The following DNAAF8 variants were observed in gnomAD, a reference collection of about 807,000 sequenced individuals.
The protein encoded by DNAAF8 is dynein axonemal assembly factor 8.
In DNAAF8, 61 loss-of-function variants were observed where a neutral mutation model predicts 54.6. The ratio of observed to expected loss-of-function variants is 1.12; its 90% confidence interval spans 0.91 to 1.38. DNAAF8 has a LOEUF of 1.38. DNAAF8 is among the 40% of genes most tolerant of loss of function. The pLI is 0.00. For missense variants in DNAAF8, 837 were observed against 665.0 expected (o/e 1.26, Z -2.85); for synonymous variants, 320 against 270.1 (o/e 1.18, Z -1.81).
intron 1 of DNAAF8, 126 bp downstream of exon 1, chr16:4,734,824 C>T (rs1161819671): frequency 6.6e-6 from 1 of 152,104 alleles, no homozygotes; most frequent in Non-Finnish European, 1.5e-5. Flanking sequence ...TTTAAAAGCT[C>T]GACCCGGGAG....
chr16:4,736,749 C>A, intron 2 of DNAAF8, 106 bp downstream of exon 2: 1 of 1,219,200 alleles, frequency 8.2e-7, no homozygotes, highest in Non-Finnish European at 1.1e-6. Context: ...TTCCTGCTGA[C>A]CTGTGCAGTT....
intron 1 of DNAAF8, among the ~76,000 whole-genome samples, chr16:4,735,688 T>C (rs1397793472): frequency 2.0e-5 from 3 of 151,040 alleles, no homozygotes; most frequent in African/African-American, 4.9e-5. Flanking sequence ...CCAGGCGCGA[T>C]GGCACATGCC....
chr16:4,736,496 T>C lies in DNAAF8; in HGVS notation c.-19T>C. 6.5e-7 allele frequency: 1 copy of C among 1,528,606 alleles called. No individual in the cohort carries two copies. Among genetic ancestry groups the C allele is most frequent in the Non-Finnish European group, 8.9e-7 (1 of 1,128,460 alleles). 94.7% of individuals were successfully genotyped at this position (1,528,606 alleles called of 1,614,324 possible). A position where few individuals can be genotyped will look rare whatever the true frequency, so the allele number is the denominator to read the frequency against. ...CGGATTATGGTGCACTGAGAAGGCA[T>C]CTGGAAGCCTGGGCCCTCATGGCAT... is the stretch of plus-strand genomic sequence containing the variant. On this transcript the variant is annotated 5_prime_UTR_variant, in exon 2 of 10. Transcript: ENST00000299320.
At chr16:4,742,204 T>A (rs1023936286) in intron 4 of DNAAF8, among the ~76,000 whole-genome samples, 14 of 152,110 alleles carry the variant, frequency 9.2e-5, no homozygotes, top group African/African-American at 2.9e-4. Flanking sequence ...AAGAACAAAA[T>A]TTTTTAACCT....
chr16:4,737,753 C>G (rs761358520), intron 2 of DNAAF8, 47 bp from the exon 3 acceptor site: 71 of 1,605,766 alleles, frequency 4.4e-5, no homozygotes, highest in Non-Finnish European at 5.2e-5. Context: ...GCCCTCAGGG[C>G]TCTGCCTGCT....
intron 5 of DNAAF8, among the ~76,000 whole-genome samples, chr16:4,744,018 C>T (rs2081981886): frequency 6.6e-6 from 1 of 151,410 alleles, no homozygotes; most frequent in Admixed American, 6.6e-5. Flanking sequence ...CAACCTCCAC[C>T]TCCCGGGTTC....
Position 4,746,360 on chromosome 16 carries a change from C to T in DNAAF8, c.1044-15C>T. On this transcript the variant is annotated splice_polypyrimidine_tract_variant and intron_variant, in intron 6 of 9. Coordinates refer to ENST00000299320, the MANE Select transcript of DNAAF8 (RefSeq NM_139170.3). ...CAGAGAACTGACTCCACAACACCTG[C>T]TTTTCTCATTTCAGATGTGCCTCAA... 6.2e-7 allele frequency: 1 copy of T among 1,607,160 alleles called. No homozygotes were observed. The highest frequency in any genetic ancestry group is 2.2e-5 in the East Asian group (1 of 44,822).
Position 4,747,531 on chromosome 16 carries a change from C to A in DNAAF8, c.1469C>A (p.Ala490Asp), listed in dbSNP as rs976083630. 1 of 1,613,094 alleles carries A rather than the reference C, an allele frequency of 6.2e-7. No individual in the cohort carries two copies. The highest frequency in any genetic ancestry group is 1.7e-5 in the Admixed American group (1 of 59,996). Residue 490 changes from alanine to aspartate, a missense_variant, in exon 9 of 10, where the codon GCT (alanine) becomes GAT (aspartate). Transcript: ENST00000299320. The part of the protein sequence containing the change: ...KLCAKGQSAQ[A>D]RLPRGRPRAL... ...TGTGCCAAGGGGCAGAGCGCCCAGG[C>A]TCGACTCCCAAGAGGCAGGCCCAGA...
chr16:4,741,508 C>A (rs1185837478), intron 4 of DNAAF8, among the ~76,000 whole-genome samples: 1 of 152,004 alleles, frequency 6.6e-6, no homozygotes, highest in African/African-American at 2.4e-5. Context: ...TCATAAGAAA[C>A]TGGGATTTTG....
Position 4,736,449 on chromosome 16 carries a change from C to CTG in DNAAF8, c.-51-11_-51-10dup. 2 of 1,403,236 alleles carry CTG rather than the reference C, an allele frequency of 1.4e-6. No homozygotes were observed. The allele number at this position is 1,403,236 out of a possible 1,614,324, so 86.9% of individuals were successfully genotyped here. ...GTGGCCCGGACCCTCTTCCATCACCCTGTGTACCCCACAGAGCTCCCCGGA... is the reference window on the plus strand; with the variant it reads ...GTGGCCCGGACCCTCTTCCATCACCCTGTGTGTACCCCACAGAGCTCCCCGGA... On this transcript the variant is annotated splice_polypyrimidine_tract_variant and intron_variant, in intron 1 of 9. Transcript: ENST00000299320.
rs371625606 is a variant in DNAAF8 at position 4,737,847 on chromosome 16, C to G, written c.177C>G (p.Thr59=). ...EELFIFQRNQ[T]SLIPDLSEEL... is the part of the protein sequence containing the mutation. ...TGTTCATCTTCCAGCGAAACCAAAC[C>G]TCCCTGATTCCAGACCTGTCGGAGG... Residue 59 remains threonine (T), a synonymous_variant, in exon 3 of 10, where the codon ACC becomes ACG. Coordinates refer to ENST00000299320, the MANE Select transcript of DNAAF8 (RefSeq NM_139170.3). 1.2e-6 allele frequency: 2 copies of G among 1,614,048 alleles called. No individual in the cohort carries two copies. The highest frequency in any genetic ancestry group is 1.7e-6 in the Non-Finnish European group (2 of 1,179,972).
rs371755275 is a variant in DNAAF8 at position 4,747,034 on chromosome 16, C to T, written c.1280+9C>T. ...TCCTCCCTGGGGCTACGGTAACCAC[C>T]CAGGGGCCTCTCGCCACCTGCAGAT... On this transcript the variant is annotated intron_variant, in intron 8 of 9. Coordinates refer to ENST00000299320, the MANE Select transcript of DNAAF8 (RefSeq NM_139170.3). 1.3e-3 allele frequency: 2,045 copies of T among 1,521,606 alleles called. 18 individuals are homozygous for T. The highest frequency in any genetic ancestry group is 6.8e-3 in the Middle Eastern group (35 of 5,166). The allele number at this position is 1,521,606 out of a possible 1,614,324, so 94.3% of individuals were successfully genotyped here. A position where few individuals can be genotyped will look rare whatever the true frequency, so the allele number is the denominator to read the frequency against.
intron 2 of DNAAF8, 42 bp downstream of exon 2, chr16:4,736,685 C>T: frequency 2.0e-6 from 3 of 1,497,840 alleles, no homozygotes; most frequent in African/African-American, 1.4e-5. Flanking sequence ...TCCTTCCTAC[C>T]AGAGCAGGCA....
intron 3 of DNAAF8, among the ~76,000 whole-genome samples, chr16:4,739,548 C>CT (rs869183831): frequency 0.036 from 4,837 of 134,980 alleles, 123 homozygotes; most frequent in African/African-American, 0.061. Context: ...AGCTTTCCAA[C>CT]TTTTTTTTTT....
At position 4,747,534 on chromosome 16, in the gene DNAAF8, G is replaced by A. The variant is rs201318907; in HGVS notation, c.1472G>A (p.Arg491Gln). 23 of 1,612,944 alleles carry A rather than the reference G, an allele frequency of 1.4e-5. 1 individual carries two copies. Among genetic ancestry groups the A allele is most frequent in the Middle Eastern group, 3.3e-4 (2 of 5,976 alleles). The change falls in exon 9 of 10, where the codon CGA (arginine) becomes CAA (glutamine). Residue 491 changes from arginine (R) to glutamine (Q), a missense_variant. Physicochemically the swap from Arg to Gln is conservative, Grantham distance 43. Coordinates refer to ENST00000299320, the MANE Select transcript of DNAAF8 (RefSeq NM_139170.3). ...LCAKGQSAQA[R>Q]LPRGRPRALG... ...GCCAAGGGGCAGAGCGCCCAGGCTC[G>A]ACTCCCAAGAGGCAGGCCCAGAGCC...
intron 7 of DNAAF8, 177 bp from the exon 8 acceptor site, chr16:4,746,750 C>A: frequency 2.7e-6 from 2 of 752,054 alleles, no homozygotes; most frequent in Non-Finnish European, 4.2e-6. Flanking sequence ...CACGTCTAGG[C>A]TGGAGGGCAT....
chr16:4,746,501 G>C lies in DNAAF8; in HGVS notation c.1170G>C (p.Leu390=). ...DLRQMELPDH[L]SPESSSHSSS... is the part of the protein sequence containing the mutation. ...GGCAGATGGAGCTACCAGACCACCT[G>C]TCCCCAGAAAGGTCCGGAGGGCAGT... Residue 390 remains leucine (L), a synonymous_variant, in exon 7 of 10, where the codon CTG becomes CTC. Transcript: ENST00000299320. The C allele has an allele frequency of 6.2e-7, 1 of 1,613,616 alleles. No homozygotes were observed.
chr16:4,737,732 G>A (rs1413085890), intron 2 of DNAAF8, 68 bp from the exon 3 acceptor site: 1 of 1,558,930 alleles, frequency 6.4e-7, no homozygotes, highest in East Asian at 2.2e-5. Context: ...GTGGAGAGCG[G>A]GGGTGGCTAG....
intron 8 of DNAAF8, 41 bp downstream of exon 8, chr16:4,747,066 C>T (rs1315437169): frequency 2.7e-6 from 4 of 1,485,256 alleles, no homozygotes; most frequent in Non-Finnish European, 3.6e-6. Context: ...AGATGTCCCA[C>T]CTCTGCTTTC....
Sources: allele counts gnomAD v4.1 joint callset (sites outside exome capture counted in the v4.1 genomes callset), GRCh38; gene constraint gnomAD v4.1.1; transcripts MANE v1.5; gene names NCBI Gene and HGNC (gene_info 2026-07-23, HGNC 2026-07-21).